Variants in ADAMTS17 observed in about 807,000 individuals in gnomAD.
ADAMTS17 encodes A disintegrin and metalloproteinase with thrombospondin motifs 17.
A neutral mutation model predicts 141.5 loss-of-function variants in ADAMTS17; 113 were observed. The observed-to-expected ratio is 0.80, with a 90% CI of 0.69 to 0.93. The LOEUF (loss-of-function observed/expected upper bound fraction) is 0.93, where lower values mean the gene tolerates loss of function less well. ADAMTS17 is among the 40% of genes least tolerant of loss of function. The pLI is 0.00. For missense variants in ADAMTS17, 1,659 were observed against 1,517.9 expected, an observed-to-expected ratio of 1.09 and a Z score of -1.54; for synonymous variants, 768 against 630.6, an observed-to-expected ratio of 1.22 and a Z score of -3.27.
chr15:99,975,255 G>C (rs2060297206), intron 21 of ADAMTS17, among the ~76,000 whole-genome samples: 1 of 152,212 alleles, frequency 6.6e-6, no homozygotes, highest in African/African-American at 2.4e-5. Flanking sequence ...TGTTGCCCAG[G>C]CTGGAGTGCA....
In ADAMTS17 at chr15:99,997,492, G is replaced by A. The variant is rs2141346694; in HGVS notation, c.2689C>T (p.His897Tyr). The A allele has an allele frequency of 1.2e-6, 2 of 1,613,612 alleles. No individual in the cohort carries two copies. The highest frequency in any genetic ancestry group is 1.1e-5 in the South Asian group (1 of 91,072). ...TCVYQLQNGT[H>Y]VATRPLYCPG... ...CAGTAGAGGGGCCGCGTAGCGACGT[G>A]TGTGCCGTTCTGCAGCTGGTACACG... Residue 897 changes from histidine (H) to tyrosine (Y), a missense_variant, in exon 19 of 22, where the codon CAC becomes TAC. Transcript: ENST00000268070. The surrounding 1 kb of genome is among the most constrained non-coding windows in gnomAD (Gnocchi z 4.7).
rs142440256 is a variant in ADAMTS17, at chr15:100,098,162, T to C, written c.2017-1686A>G. On this transcript the variant is annotated intron_variant, in intron 14 of 21. Coordinates refer to ENST00000268070, the MANE Select transcript of ADAMTS17 (RefSeq NM_139057.4). ...GTGGGCTTGATGGTGGCTGGGGAGA[T>C]GTAGGTAACACATCAAGACACATAT... 1.3e-3 allele frequency among the ~76,000 whole-genome samples: 192 copies of C among 152,148 alleles called. 5 individuals carry two copies. In the East Asian group the frequency reaches 0.034, roughly 27 times the overall value.
At chr15:100,041,078 T>C (rs2031209265) in intron 18 of ADAMTS17, among the ~76,000 whole-genome samples, 1 of 152,208 alleles carries the variant, frequency 6.6e-6, no homozygotes, top group South Asian at 2.1e-4. Context: ...CTCTCATACA[T>C]GCACGCGTGC....
chr15:100,174,630 G>A (rs926774635), intron 8 of ADAMTS17, among the ~76,000 whole-genome samples: 14 of 151,998 alleles, frequency 9.2e-5, no homozygotes, highest in Non-Finnish European at 1.5e-5. Flanking sequence ...ATAGCTTCTT[G>A]CAGTAATCAC....
chr15:99,984,256 G>A (rs191205712), intron 20 of ADAMTS17, among the ~76,000 whole-genome samples: 129 of 152,262 alleles, frequency 8.5e-4, no homozygotes, highest in African/African-American at 2.9e-3. Flanking sequence ...GGACTGAAGC[G>A]CAGAGGAGAC....
At chr15:100,097,106 G>A (rs1284680173) in intron 14 of ADAMTS17, among the ~76,000 whole-genome samples, 1 of 152,206 alleles carries the variant, frequency 6.6e-6, no homozygotes, top group Non-Finnish European at 1.5e-5. Flanking sequence ...TCTACCCTAG[G>A]TGGATCTGAG....
intron 3 of ADAMTS17, among the ~76,000 whole-genome samples, chr15:100,301,228 G>T (rs947428101): frequency 6.6e-6 from 1 of 151,948 alleles, no homozygotes; most frequent in Non-Finnish European, 1.5e-5. Context: ...TTCAACTGGG[G>T]ATTTTAACAC....
rs2039385758 is a variant in ADAMTS17 at position 100,155,365 on chromosome 15, T to A, written c.1182-45A>T. The A allele has an allele frequency of 1.9e-6, 3 of 1,596,796 alleles. No individual in the cohort carries two copies. The South Asian group carries it at 3.4e-5, about 18-fold the overall frequency. ...GAGGGATGCTTATGCTACAAGCTTC[T>A]CATTTCCAGTTCCTGGTGCTAGCGG... On this transcript the variant is annotated intron_variant, in intron 8 of 21. Coordinates refer to ENST00000268070, the MANE Select transcript of ADAMTS17 (RefSeq NM_139057.4).
intron 18 of ADAMTS17, among the ~76,000 whole-genome samples, chr15:100,044,992 G>A (rs897283300): frequency 6.6e-5 from 10 of 151,904 alleles, no homozygotes. Flanking sequence ...ATTTTTAGTA[G>A]AGATGGGGTT....
intron 21 of ADAMTS17, 86 bp from the exon 22 acceptor site, chr15:99,974,648 C>T: frequency 6.4e-7 from 1 of 1,554,506 alleles, no homozygotes; most frequent in Non-Finnish European, 8.9e-7. Flanking sequence ...TGTGGTCTGA[C>T]CGTCTGGGCT....
At chr15:100,076,341 C>T (rs897175863) in intron 15 of ADAMTS17, among the ~76,000 whole-genome samples, 29 of 152,166 alleles carry the variant, frequency 1.9e-4, no homozygotes, top group Admixed American at 9.2e-4. Flanking sequence ...TTGTGCCTGG[C>T]CTATGAGTTC....
At chr15:99,981,127 G>A (rs1299319103) in intron 20 of ADAMTS17, among the ~76,000 whole-genome samples, 1 of 152,218 alleles carries the variant, frequency 6.6e-6, no homozygotes, top group Non-Finnish European at 1.5e-5. Context: ...CCTCCTATGT[G>A]AATAAGAGGT....
At chr15:100,152,849 T>C (rs2039243634) in intron 9 of ADAMTS17, 87 bp from the exon 10 acceptor site, 2 of 1,522,436 alleles carry the variant, frequency 1.3e-6, no homozygotes. Context: ...GAGTTTTCAG[T>C]CACTGAGAAG....
At chr15:100,200,067 G>C (rs980936721) in intron 7 of ADAMTS17, among the ~76,000 whole-genome samples, 1 of 152,242 alleles carries the variant, frequency 6.6e-6, no homozygotes, top group Non-Finnish European at 1.5e-5. Flanking sequence ...CCAGCGCTGG[G>C]AGAGCCAGGG....
At chr15:100,156,192 C>T (rs1245110080) in intron 8 of ADAMTS17, among the ~76,000 whole-genome samples, 1 of 152,214 alleles carries the variant, frequency 6.6e-6, no homozygotes, top group African/African-American at 2.4e-5. Flanking sequence ...TGAACACTGA[C>T]ACAGATAATG....
At chr15:100,245,011 G>GT (rs1055608502) in intron 7 of ADAMTS17, among the ~76,000 whole-genome samples, 7 of 152,196 alleles carry the variant, frequency 4.6e-5, no homozygotes, top group African/African-American at 1.7e-4. Context: ...CATGACTAGA[G>GT]TAAGAGCCGC....
chr15:100,315,573 C>T (rs1242909224), intron 3 of ADAMTS17, among the ~76,000 whole-genome samples: 1 of 152,202 alleles, frequency 6.6e-6, no homozygotes, highest in African/African-American at 2.4e-5. Flanking sequence ...TGATGGCTCA[C>T]ACCTATAATC....
chr15:100,257,069 C>T (rs1228889708), intron 6 of ADAMTS17: 1 of 152,258 alleles, frequency 6.6e-6, no homozygotes, highest in African/African-American at 2.4e-5. Context: ...CCGGCTTGAC[C>T]ACAGCCTGGA....
intron 3 of ADAMTS17, among the ~76,000 whole-genome samples, chr15:100,289,877 A>G (rs1239887525): frequency 6.6e-6 from 1 of 152,220 alleles, no homozygotes; most frequent in Non-Finnish European, 1.5e-5. Context: ...CAAAATAGTA[A>G]GAGCCATCTA....
Sources: allele counts gnomAD v4.1 joint callset (sites outside exome capture counted in the v4.1 genomes callset), GRCh38; gene constraint gnomAD v4.1.1; non-coding constraint Gnocchi (gnomAD v3.1); transcripts MANE v1.5; gene names NCBI Gene and HGNC (gene_info 2026-07-23, HGNC 2026-07-21).